KY: variants seen among roughly 807,000 people sequenced by gnomAD.
The protein encoded by KY is kyphoscoliosis peptidase.
In KY, 43 loss-of-function variants were observed where a neutral mutation model predicts 76.1. That is an observed-to-expected ratio of 0.57 (90% CI 0.44 to 0.73). The LOEUF (loss-of-function observed/expected upper bound fraction) is 0.73, where lower values mean the gene tolerates loss of function less well. Ranked by LOEUF, KY falls within the 30% of genes least tolerant of loss-of-function variation. KY has a pLI of 0.00. For synonymous variants in KY, 277 were observed against 326.2 expected (o/e 0.85, Z 1.63); for missense variants, 722 against 828.9 (o/e 0.87, Z 1.58).
At chr3:134,610,155 C>T in intron 9 of KY, 40 bp downstream of exon 9, 1 of 1,581,840 alleles carries the variant, frequency 6.3e-7, no homozygotes, top group Non-Finnish European at 8.6e-7. Flanking sequence ...CCTCCACTTC[C>T]ACCTGCCAGA....
chr3:134,629,430 T>C, intron 4 of KY, 191 bp downstream of exon 4: 3 of 559,074 alleles, frequency 5.4e-6, no homozygotes, highest in Non-Finnish European at 9.7e-6. Context: ...AGATGCAAAA[T>C]CAGCGGTAGC....
intron 3 of KY, among the ~76,000 whole-genome samples, chr3:134,634,063 C>T (rs541474998): frequency 6.6e-6 from 1 of 152,164 alleles, no homozygotes; most frequent in African/African-American, 2.4e-5. Flanking sequence ...CAAACATGTG[C>T]AATAATCGCA....
At position 134,610,551 on chromosome 3, in the gene KY, G is replaced by A. The variant is rs371680216; in HGVS notation, c.711-168C>T. The A allele has an allele frequency of 4.8e-3, 2,944 of 613,332 alleles. 127 individuals carry two copies. The South Asian group carries it at 0.057, about 12-fold the overall frequency. The allele number at this position is 613,332 out of a possible 1,614,324, so 38.0% of individuals were successfully genotyped here. A position where few individuals can be genotyped will look rare whatever the true frequency, so the allele number is the denominator to read the frequency against. Reference sequence around the variant, plus strand: ...AAACAGCCTTGATGGCTTTTATCTCGGGGCACTGGGGACAGGGAGATACAG... The same window carrying A: ...AAACAGCCTTGATGGCTTTTATCTCAGGGCACTGGGGACAGGGAGATACAG... On this transcript the variant is annotated intron_variant, in intron 8 of 10. Coordinates refer to ENST00000423778, the MANE Select transcript of KY (RefSeq NM_178554.6).
At position 134,600,148 on chromosome 3, in the gene KY, A is replaced by C. The variant is rs372624124; in HGVS notation, c.*3431T>G. On this transcript the variant is annotated 3_prime_UTR_variant, in exon 11 of 11. Transcript: ENST00000423778. ...CATCTTCGAAAATTTTGCCAATAGC[A>C]AATGATGTAGTGATGCTGTTAACCC... Among the ~76,000 whole-genome samples the C allele has an allele frequency of 2.6e-5, 4 of 152,234 alleles. No individual in the cohort carries two copies. Among genetic ancestry groups the C allele is most frequent in the Admixed American group, 2.6e-4 (4 of 15,282 alleles).
At chr3:134,609,112 C>G (rs981281660) in intron 9 of KY, among the ~76,000 whole-genome samples, 28 of 152,206 alleles carry the variant, frequency 1.8e-4, no homozygotes, top group African/African-American at 6.8e-4. Flanking sequence ...CTGCCTCATG[C>G]TCAAAGACAA....
chr3:134,604,511 C>T (rs982493059), intron 10 of KY, 37 bp from the exon 11 acceptor site: 3 of 1,544,990 alleles, frequency 1.9e-6, no homozygotes, highest in Admixed American at 1.8e-5. Context: ...GAGATGGGTC[C>T]AGCACGTGCT....
intron 3 of KY, among the ~76,000 whole-genome samples, chr3:134,634,237 T>C (rs1042555940): frequency 1.1e-4 from 17 of 152,244 alleles, no homozygotes; most frequent in Middle Eastern, 3.4e-3. Flanking sequence ...TTTGGGGGAA[T>C]TGTGCAAATA....
intron 10 of KY, 129 bp downstream of exon 10, chr3:134,608,520 G>A (rs1577592987): frequency 6.3e-7 from 1 of 1,580,724 alleles, no homozygotes; most frequent in Non-Finnish European, 8.6e-7. Context: ...CACAAGCTTT[G>A]TGCTAAGCTC....
chr3:134,636,552 G>A (rs1252322311), intron 3 of KY, among the ~76,000 whole-genome samples: 2 of 152,194 alleles, frequency 1.3e-5, no homozygotes, highest in East Asian at 1.9e-4. Flanking sequence ...AGCCTCTCAG[G>A]TGAGGCTATC....
At chr3:134,642,997 TG>T (rs1965949285) in intron 3 of KY, among the ~76,000 whole-genome samples, 1 of 152,194 alleles carries the variant, frequency 6.6e-6, no homozygotes, top group African/African-American at 2.4e-5. Flanking sequence ...GCAGGGTGTC[TG>T]GCACATAGTT....
At chr3:134,612,796 T>TGTGTGTG (rs1553807340) in intron 8 of KY, among the ~76,000 whole-genome samples, 89 of 149,020 alleles carry the variant, frequency 6.0e-4, no homozygotes, top group Non-Finnish European at 8.5e-4. Context: ...TGTGTGTGTG[T>TGTGTGTG]TGCCTGCATG....
intron 3 of KY, among the ~76,000 whole-genome samples, chr3:134,630,928 G>C (rs1964131348): frequency 6.6e-6 from 1 of 152,206 alleles, no homozygotes; most frequent in South Asian, 2.1e-4. Context: ...GGAGAAGTAA[G>C]TGAAGATTTT....
At chr3:134,643,677 C>T (rs1227432181) in intron 2 of KY, among the ~76,000 whole-genome samples, 1 of 152,232 alleles carries the variant, frequency 6.6e-6, no homozygotes, top group East Asian at 1.9e-4. Flanking sequence ...GTAGCCATAA[C>T]TCCCAACTTT....
intron 3 of KY, among the ~76,000 whole-genome samples, chr3:134,630,603 A>G (rs919123341): frequency 1.2e-4 from 19 of 152,352 alleles, no homozygotes; most frequent in Middle Eastern, 6.8e-3. Flanking sequence ...GTGCATGCAT[A>G]GATCTCATCC....
intron 3 of KY, among the ~76,000 whole-genome samples, chr3:134,641,713 C>G (rs772265916): frequency 6.6e-6 from 1 of 152,164 alleles, no homozygotes; most frequent in Non-Finnish European, 1.5e-5. Context: ...TATACAACCC[C>G]GCACAGCCCC....
chr3:134,626,224 T>A (rs1161520195), intron 5 of KY, among the ~76,000 whole-genome samples: 1 of 152,194 alleles, frequency 6.6e-6, no homozygotes, highest in Non-Finnish European at 1.5e-5. Flanking sequence ...AGCCTCCATG[T>A]CGGGAGCCTC....
chr3:134,619,380 G>GTAGTTCCATTCAGCCC, intron 7 of KY, 115 bp from the exon 8 acceptor site: 1 of 757,598 alleles, frequency 1.3e-6, no homozygotes, highest in African/African-American at 1.7e-5. Context: ...ACAGTGGGCT[G>GTAGTTCCATTCAGCCC]AATGGAACTA....
At position 134,603,831 on chromosome 3, in the gene KY, G is replaced by A. The variant is rs147529479; in HGVS notation, c.1734C>T (p.Asp578=). The A allele has an allele frequency of 2.2e-4, 354 of 1,613,958 alleles. 1 individual carries two copies. In the African/African-American group the frequency reaches 4.0e-3, roughly 18 times the overall value. The change falls in exon 11 of 11, where the codon GAC becomes GAT. Residue 578 remains aspartate, a synonymous_variant. Coordinates refer to ENST00000423778, the MANE Select transcript of KY (RefSeq NM_178554.6). The part of the protein sequence containing the change: ...FPESFGNWGQ[D]NELLEPLSGV... The stretch of plus-strand genomic sequence containing the variant: ...CTGACAGAGGTTCCAGCAGCTCATT[G>A]TCCTGTCCCCAGTTGCCAAAGCTCT...
Position 134,603,869 on chromosome 3 carries a change from G to C in KY, c.1696C>G (p.Pro566Ala), listed in dbSNP as rs1959076998. The C allele has an allele frequency of 1.2e-6, 2 of 1,614,026 alleles. No individual in the cohort carries two copies. The highest frequency in any genetic ancestry group is 4.5e-5 in the East Asian group (2 of 44,880). Residue 566 changes from proline (P) to alanine (A), a missense_variant, in exon 11 of 11, where the codon CCC (proline) becomes GCC (alanine). Physicochemically the swap from Pro to Ala is conservative, Grantham distance 27. Coordinates refer to ENST00000423778, the MANE Select transcript of KY (RefSeq NM_178554.6). Reference sequence around the variant, plus strand: ...TTGCCAAAGCTCTCAGGGAACATGGGCCAGTTCACCTTGGTGTTGGCACAG... The same window carrying C: ...TTGCCAAAGCTCTCAGGGAACATGGCCCAGTTCACCTTGGTGTTGGCACAG... ...VCCANTKVNW[P>A]MFPESFGNWG...
Sources: gnomAD v4.1 joint callset for allele counts (sites outside exome capture counted in the v4.1 genomes callset) on GRCh38, gnomAD v4.1.1 for gene constraint, MANE v1.5 for transcripts, NCBI Gene and HGNC (gene_info 2026-07-23, HGNC 2026-07-21) for gene names.